The following SSBP2 variants were observed in gnomAD, a reference collection of about 807,000 sequenced individuals.
The protein encoded by SSBP2 is single-stranded DNA-binding protein 2.
SSBP2 carries 17 observed loss-of-function variants against 61.8 expected under a neutral mutation model. The observed-to-expected ratio is 0.28, with a 90% CI of 0.19 to 0.41. The LOEUF (loss-of-function observed/expected upper bound fraction) is 0.41. SSBP2 is among the 10% of genes least tolerant of loss of function. The probability of loss-of-function intolerance (pLI) is 1.00; values close to 1 mark genes in which losing one functional copy is unlikely to be tolerated. For missense variants in SSBP2, 310 were observed against 458.7 expected, an observed-to-expected ratio of 0.68 and a Z score of 2.96; for synonymous variants, 139 against 141.3, an observed-to-expected ratio of 0.98 and a Z score of 0.12.
At chr5:81,611,554 T>C (rs1745442066) in intron 4 of SSBP2, among the ~76,000 whole-genome samples, 1 of 152,160 alleles carries the variant, frequency 6.6e-6, no homozygotes, top group Admixed American at 6.5e-5. Flanking sequence ...TGCATGCTAT[T>C]TTTGAAAGAA....
chr5:81,463,923 C>A (rs540207944), intron 9 of SSBP2, among the ~76,000 whole-genome samples: 3 of 152,016 alleles, frequency 2.0e-5, no homozygotes, highest in South Asian at 4.2e-4. Context: ...CACCTGTCAA[C>A]ATGCCCAGCT....
chr5:81,608,639 T>C (rs1745118097), intron 4 of SSBP2, among the ~76,000 whole-genome samples: 1 of 152,192 alleles, frequency 6.6e-6, no homozygotes, highest in Admixed American at 6.5e-5. Flanking sequence ...TTCAAATGAC[T>C]AAAATAAGCA....
Position 81,648,489 on chromosome 5 carries a change from G to A in SSBP2, c.135+1778C>T, listed in dbSNP as rs138816236. Among the ~76,000 whole-genome samples the A allele has an allele frequency of 4.6e-3, 703 of 152,144 alleles. 4 individuals carry two copies. The highest frequency in any genetic ancestry group is 0.037 in the South Asian group (180 of 4,822). On this transcript the variant is annotated intron_variant, in intron 2 of 16. Transcript: ENST00000320672. ...AGAAATAAGAGTGAGGGTTGTGTGCGTTTGTTTACTTTGAGCTGCAGCTAA... is the reference window on the plus strand; with the variant it reads ...AGAAATAAGAGTGAGGGTTGTGTGCATTTGTTTACTTTGAGCTGCAGCTAA...
At chr5:81,450,458 A>G (rs1017247305) in intron 10 of SSBP2, among the ~76,000 whole-genome samples, 7 of 152,110 alleles carry the variant, frequency 4.6e-5, no homozygotes, top group African/African-American at 1.4e-4. Flanking sequence ...GCCTATCATC[A>G]TTCTTAAGCA....
intron 3 of SSBP2, among the ~76,000 whole-genome samples, chr5:81,633,897 C>T (rs549129192): frequency 3.2e-4 from 49 of 152,356 alleles, no homozygotes; most frequent in African/African-American, 1.1e-3. Context: ...CCTTACTGCA[C>T]GAGCCTTCTA....
intron 6 of SSBP2, among the ~76,000 whole-genome samples, chr5:81,484,735 A>C (rs1766256927): frequency 6.6e-6 from 1 of 152,132 alleles, no homozygotes; most frequent in Non-Finnish European, 1.5e-5. Context: ...TAATATGTAC[A>C]TACTATTTCA....
In SSBP2 at chr5:81,573,200, C is replaced by T. The variant is rs114392890; in HGVS notation, c.282+42273G>A. On this transcript the variant is annotated intron_variant, in intron 4 of 16. Coordinates refer to ENST00000320672, the MANE Select transcript of SSBP2 (RefSeq NM_012446.5). ...GAAAAAATAACAAAGACAATAAGGG[C>T]TCTGTAAACTGAGACAGTTTCAGAA... Among the ~76,000 whole-genome samples the T allele has an allele frequency of 7.3e-3, 1,114 of 151,916 alleles. 17 individuals are homozygous for T. Among genetic ancestry groups the T allele is most frequent in the African/African-American group, 0.026 (1,073 of 41,248 alleles).
In SSBP2 at chr5:81,615,499, T is replaced by C; in HGVS notation, c.256A>G (p.Ser86Gly). ...TAATCATGGAAGGCTTTTGCTTCACTTGAGTGTTCACATGTTTCACGTCTC... is the reference window on the plus strand; with the variant it reads ...TAATCATGGAAGGCTTTTGCTTCACCTGAGTGTTCACATGTTTCACGTCTC... The change falls in exon 4 of 17, where the codon AGT becomes GGT. Residue 86 changes from serine to glycine, a missense_variant. By Grantham distance (56) the Ser-to-Gly change is moderately conservative (BLOSUM62 0). Transcript: ENST00000320672. The C allele has an allele frequency of 1.9e-6, 3 of 1,613,782 alleles. No homozygotes were observed. The highest frequency in any genetic ancestry group is 1.3e-5 in the African/African-American group (1 of 75,066).
intron 16 of SSBP2, among the ~76,000 whole-genome samples, chr5:81,423,728 G>C (rs1189264066): frequency 6.6e-6 from 1 of 151,484 alleles, no homozygotes; most frequent in African/African-American, 2.4e-5. Context: ...CTGGGTGACA[G>C]AGCAAGACTC....
intron 6 of SSBP2, among the ~76,000 whole-genome samples, chr5:81,476,328 G>C (rs151172162): frequency 0.013 from 1,996 of 152,012 alleles, 33 homozygotes; most frequent in South Asian, 0.097. Context: ...TTTTCTTTCT[G>C]GTACCAGAAC....
At chr5:81,603,509 C>T (rs1166711417) in intron 4 of SSBP2, among the ~76,000 whole-genome samples, 1 of 152,188 alleles carries the variant, frequency 6.6e-6, no homozygotes, top group Non-Finnish European at 1.5e-5. Context: ...ATTCAATAGA[C>T]TGGCATGATC....
intron 1 of SSBP2, among the ~76,000 whole-genome samples, chr5:81,718,723 A>C (rs1482608804): frequency 2.0e-5 from 3 of 152,204 alleles, no homozygotes; most frequent in African/African-American, 7.2e-5. Context: ...GCCACATCTG[A>C]AAAGAGGGTG....
intron 4 of SSBP2, among the ~76,000 whole-genome samples, chr5:81,554,900 C>T (rs999317117): frequency 1.3e-5 from 2 of 152,044 alleles, no homozygotes; most frequent in African/African-American, 4.8e-5. Flanking sequence ...TCAATGACTC[C>T]TAACATAGTA....
At chr5:81,457,685 G>A (rs1184578723) in intron 10 of SSBP2, among the ~76,000 whole-genome samples, 1 of 151,142 alleles carries the variant, frequency 6.6e-6, no homozygotes, top group East Asian at 1.9e-4. Context: ...TTTTGAGACC[G>A]AGTTTTACTC....
chr5:81,528,611 C>T (rs575554831), intron 4 of SSBP2, among the ~76,000 whole-genome samples: 2 of 152,076 alleles, frequency 1.3e-5, no homozygotes, highest in South Asian at 4.2e-4. Flanking sequence ...TCACATATAT[C>T]CATTAAGTTA....
intron 4 of SSBP2, among the ~76,000 whole-genome samples, chr5:81,550,535 A>G (rs1026851885): frequency 6.6e-6 from 1 of 152,204 alleles, no homozygotes; most frequent in Non-Finnish European, 1.5e-5. Context: ...AATTACACTC[A>G]TCCATTCTTT....
chr5:81,488,033 A>AT (rs1554073535), intron 6 of SSBP2, among the ~76,000 whole-genome samples: 1 of 16,048 alleles, frequency 6.2e-5, no homozygotes, highest in Non-Finnish European at 1.1e-4. Flanking sequence ...ATATATATAT[A>AT]TATATATATA....
chr5:81,704,899 A>G, intron 1 of SSBP2, among the ~76,000 whole-genome samples: 1 of 152,066 alleles, frequency 6.6e-6, no homozygotes, highest in African/African-American at 2.4e-5. Context: ...GACCACTCAG[A>G]ATATTTAACG....
intron 1 of SSBP2, among the ~76,000 whole-genome samples, chr5:81,737,645 G>A (rs1044918138): frequency 1.3e-5 from 2 of 151,852 alleles, no homozygotes; most frequent in Admixed American, 6.6e-5. Flanking sequence ...AAAATTAGCC[G>A]GGTGTGGTGG....
Sources: gnomAD v4.1 joint callset for allele counts (sites outside exome capture counted in the v4.1 genomes callset) on GRCh38, gnomAD v4.1.1 for gene constraint, MANE v1.5 for transcripts, NCBI Gene and HGNC (gene_info 2026-07-23, HGNC 2026-07-21) for gene names.